The following G6PC2 variants were observed in gnomAD, a reference collection of about 807,000 sequenced individuals.
G6PC2 encodes the protein glucose-6-phosphatase 2.
In G6PC2, 41 loss-of-function variants were observed where a neutral mutation model predicts 35.4. The observed-to-expected ratio is 1.16, with a 90% CI of 0.90 to 1.50. The LOEUF (loss-of-function observed/expected upper bound fraction) is 1.50, where lower values mean the gene tolerates loss of function less well. Among genes scored for constraint, G6PC2 ranks in the 40% most tolerant of loss-of-function variants. G6PC2 has a pLI of 0.00. For synonymous variants in G6PC2, 165 were observed against 153.2 expected, an observed-to-expected ratio of 1.08 and a Z score of -0.57; for missense variants, 441 against 426.5, an observed-to-expected ratio of 1.03 and a Z score of -0.30.
intron 4 of G6PC2, 79 bp downstream of exon 4, chr2:168,906,858 C>G: frequency 1.2e-6 from 1 of 817,990 alleles, no homozygotes; most frequent in Non-Finnish European, 2.2e-6. Flanking sequence ...AGATTGTCCC[C>G]GGTAATCAAC....
intron 2 of G6PC2, 72 bp downstream of exon 2, chr2:168,902,626 A>G: frequency 2.5e-6 from 2 of 785,244 alleles, no homozygotes; most frequent in Non-Finnish European, 4.7e-6. Context: ...GTTATCATCT[A>G]GGAACTGATA....
intron 4 of G6PC2, among the ~76,000 whole-genome samples, chr2:168,907,139 A>G (rs910148137): frequency 6.6e-6 from 1 of 152,174 alleles, no homozygotes; most frequent in Non-Finnish European, 1.5e-5. Flanking sequence ...TTCTCTCTGA[A>G]ACATGTGAAG....
In G6PC2 at chr2:168,901,475, A is replaced by G. The variant is rs755938672; in HGVS notation, c.144A>G (p.Gln48=). Residue 48 remains glutamine (Q), a synonymous_variant, in exon 1 of 5, where the codon CAA becomes CAG. Transcript: ENST00000375363. ...TCATTTATTTTCCACTTTGTTTTCA[A>G]TTTAATCAGACAGTTGGAACCAAGA... ...IFFIYFPLCF[Q]FNQTVGTKMI... is the part of the protein sequence containing the mutation. 4.4e-6 allele frequency: 7 copies of G among 1,602,368 alleles called. No homozygotes were observed. The highest frequency in any genetic ancestry group is 2.7e-5 in the African/African-American group (2 of 74,780).
Position 168,906,755 on chromosome 2 carries a change from C to A in G6PC2, c.532C>A (p.Gln178Lys). The change falls in exon 4 of 5, where the codon CAA becomes AAA. Residue 178 changes from glutamine to lysine, a missense_variant. Physicochemically the swap from Gln to Lys is moderately conservative, Grantham distance 53. Coordinates refer to ENST00000375363, the MANE Select transcript of G6PC2 (RefSeq NM_021176.3). ...RVFIATHFPH[Q>K]VILGVIGGML... is the part of the protein sequence containing the mutation. ...ATTCATAGCAACACATTTTCCTCAT[C>A]AAGTTATTCTTGGAGTAATTGGTGG... 6.4e-7 allele frequency: 1 copy of A among 1,569,634 alleles called. No homozygotes were observed. Among genetic ancestry groups the A allele is most frequent in the Non-Finnish European group, 8.8e-7 (1 of 1,139,372 alleles).
chr2:168,907,789 G>T lies in G6PC2; in HGVS notation c.778G>T (p.Val260Leu), dbSNP rs781373483. ...TGACACCACGCCTTTTGCTGGACTC[G>T]TGAGAAACCTTGGGGTCCTCTTTGG... Reference protein sequence around the residue: ...HIDTTPFAGLVRNLGVLFGLG... With the variant: ...HIDTTPFAGLLRNLGVLFGLG... Residue 260 changes from valine to leucine, a missense_variant, in exon 5 of 5, where the codon GTG becomes TTG. Transcript: ENST00000375363. The T allele has an allele frequency of 8.7e-6, 14 of 1,614,070 alleles. No homozygotes were observed. Among genetic ancestry groups the T allele is most frequent in the Non-Finnish European group, 1.2e-5 (14 of 1,180,000 alleles).
intron 2 of G6PC2, 50 bp downstream of exon 2, chr2:168,902,604 T>A (rs749453763): frequency 2.5e-6 from 2 of 813,692 alleles, no homozygotes; most frequent in African/African-American, 1.7e-5. Context: ...CAATAGAGAA[T>A]CATTACACAG....
intron 2 of G6PC2, among the ~76,000 whole-genome samples, chr2:168,904,174 A>G (rs1005960318): frequency 1.3e-5 from 2 of 152,140 alleles, no homozygotes; most frequent in Non-Finnish European, 2.9e-5. Flanking sequence ...TTGCTTGTCA[A>G]TTAAAAACAA....
At chr2:168,901,640 T>C (rs1206095918) in intron 1 of G6PC2, 91 bp downstream of exon 1, 2 of 729,318 alleles carry the variant, frequency 2.7e-6, no homozygotes, top group African/African-American at 3.5e-5. Context: ...TGTATATCGT[T>C]TTACTTGGAA....
Position 168,908,005 on chromosome 2 carries a change from C to A in G6PC2, c.994C>A (p.Pro332Thr). 1 of 1,611,856 alleles carries A rather than the reference C, an allele frequency of 6.2e-7. No individual in the cohort carries two copies. The highest frequency in any genetic ancestry group is 8.5e-7 in the Non-Finnish European group (1 of 1,178,032). ...GTCTTTTTGTAAAAGTGCATCCATTCCCCTAACTGTGGTTGCTTTCATTCC... is the reference window on the plus strand; with the variant it reads ...GTCTTTTTGTAAAAGTGCATCCATTACCCTAACTGTGGTTGCTTTCATTCC... The part of the protein sequence containing the change: ...VLSFCKSASI[P>T]LTVVAFIPYS... Residue 332 changes from proline (P) to threonine (T), a missense_variant, in exon 5 of 5, where the codon CCC becomes ACC. Pro to Thr is a conservative substitution (Grantham distance 38, BLOSUM62 -1). Coordinates refer to ENST00000375363, the MANE Select transcript of G6PC2 (RefSeq NM_021176.3).
intron 1 of G6PC2, among the ~76,000 whole-genome samples, chr2:168,901,861 C>T (rs1379414025): frequency 1.3e-5 from 2 of 151,894 alleles, no homozygotes; most frequent in Admixed American, 1.3e-4. Context: ...CTCAGCCTCC[C>T]GAGTAGCTGG....
intron 1 of G6PC2, among the ~76,000 whole-genome samples, chr2:168,902,117 G>A (rs919987573): frequency 6.6e-6 from 1 of 152,178 alleles, no homozygotes; most frequent in Admixed American, 6.5e-5. Flanking sequence ...ACTTACATGA[G>A]CAGCGTGATA....
intron 3 of G6PC2, among the ~76,000 whole-genome samples, chr2:168,905,472 G>A (rs1690688019): frequency 6.6e-6 from 1 of 152,116 alleles, no homozygotes; most frequent in Admixed American, 6.6e-5. Context: ...AGGAATTTGG[G>A]TGTCTTAAAA....
intron 2 of G6PC2, chr2:168,902,866 C>A (rs2105851274): frequency 1.1e-5 from 4 of 380,530 alleles, no homozygotes; most frequent in South Asian, 7.9e-5. Flanking sequence ...AGAACAAATT[C>A]TCAAGGAACT....
intron 3 of G6PC2, among the ~76,000 whole-genome samples, chr2:168,905,107 A>G (rs959193831): frequency 3.3e-5 from 5 of 152,218 alleles, no homozygotes; most frequent in African/African-American, 4.8e-5. Flanking sequence ...AGAGAGCACA[A>G]ACTTTTTAAT....
In G6PC2 at chr2:168,902,532, TA is replaced by T; in HGVS notation, c.307del (p.Thr103LeufsTer25). 1 of 1,526,084 alleles carries T rather than the reference TA, an allele frequency of 6.6e-7. No individual in the cohort carries two copies. The highest frequency in any genetic ancestry group is 9.1e-7 in the Non-Finnish European group (1 of 1,099,736). The allele number at this position is 1,526,084 out of a possible 1,614,324, so 94.5% of individuals were successfully genotyped here. On this transcript the variant is annotated frameshift_variant, in exon 2 of 5. Transcript: ENST00000375363. LOFTEE classifies it high-confidence loss of function. ...CAAGTCCATGCCTTGAACAGTTCCC[TA>T]CTACATGTGAAACAGGTCCAGGTAA... The part of the protein sequence containing the change: ...HSSPCLEQFP[T>X]TCETGPGSPS...
In G6PC2 at chr2:168,908,174, C is replaced by T. The variant is rs886802335; in HGVS notation, c.*95C>T. On this transcript the variant is annotated 3_prime_UTR_variant, in exon 5 of 5. Coordinates refer to ENST00000375363, the MANE Select transcript of G6PC2 (RefSeq NM_021176.3). ...AGGCACAGACCAGAGGCTTCTAATCCGACTTCACAGAATAGCGGCACAGGC... is the reference window on the plus strand; with the variant it reads ...AGGCACAGACCAGAGGCTTCTAATCTGACTTCACAGAATAGCGGCACAGGC... 2.6e-5 allele frequency: 27 copies of T among 1,034,312 alleles called. No homozygotes were observed. The highest frequency in any genetic ancestry group is 1.6e-4 in the African/African-American group (10 of 63,520). 64.1% of individuals were successfully genotyped at this position (1,034,312 alleles called of 1,614,324 possible). A position where few individuals can be genotyped will look rare whatever the true frequency, so the allele number is the denominator to read the frequency against.
At position 168,908,056 on chromosome 2, in the gene G6PC2, C is replaced by CA; in HGVS notation, c.1048dup (p.Ser350LysfsTer31). Reference sequence around the variant, plus strand: ...CTACTCTGTTCATATGTTAATGAAACAAAGCGGAAAGAAGAGTCAGTAGAG... The same window carrying CA: ...CTACTCTGTTCATATGTTAATGAAACAAAAGCGGAAAGAAGAGTCAGTAGAG... On this transcript the variant is annotated frameshift_variant, in exon 5 of 5. Transcript: ENST00000375363. LOFTEE classifies it high-confidence loss of function. 3 of 1,613,166 alleles carry CA rather than the reference C, an allele frequency of 1.9e-6. No homozygotes were observed. Among genetic ancestry groups the CA allele is most frequent in the East Asian group, 2.2e-5 (1 of 44,884 alleles).
intron 4 of G6PC2, among the ~76,000 whole-genome samples, chr2:168,906,986 C>T (rs567924220): frequency 1.4e-4 from 21 of 152,238 alleles, no homozygotes; most frequent in East Asian, 7.7e-4. Context: ...ATCTCAGTGG[C>T]GTAAATGCAC....
chr2:168,901,299 T>G lies in G6PC2; in HGVS notation c.-33T>G. 2 of 1,200,362 alleles carry G rather than the reference T, an allele frequency of 1.7e-6. No individual in the cohort carries two copies. Among genetic ancestry groups the G allele is most frequent in the Non-Finnish European group, 2.5e-6 (2 of 802,746 alleles). The allele number at this position is 1,200,362 out of a possible 1,614,324, so 74.4% of individuals were successfully genotyped here. ...GGGAATCAGAGCACTTCAGCTCCAA[T>G]TGCTCTATGTTTAGAATTGCCTCTT... On this transcript the variant is annotated 5_prime_UTR_variant, in exon 1 of 5. Transcript: ENST00000375363.
Sources: allele counts gnomAD v4.1 joint callset (sites outside exome capture counted in the v4.1 genomes callset), GRCh38; gene constraint gnomAD v4.1.1; transcripts MANE v1.5; gene names NCBI Gene and HGNC (gene_info 2026-07-23, HGNC 2026-07-21).